ZDHHC14: variants seen among roughly 807,000 people sequenced by gnomAD.
The protein encoded by ZDHHC14 is zDHHC palmitoyltransferase 14, also known as palmitoyltransferase ZDHHC14.
Under a neutral mutation model 47.7 loss-of-function variants are expected in ZDHHC14, and 16 were observed. That is an observed-to-expected ratio of 0.34 (90% CI 0.23 to 0.51). ZDHHC14 has a LOEUF of 0.51. ZDHHC14 is among the 20% of genes least tolerant of loss of function. The pLI is 0.97. For synonymous variants in ZDHHC14, 293 were observed against 278.9 expected, an observed-to-expected ratio of 1.05 and a Z score of -0.50; for missense variants, 515 against 662.5, an observed-to-expected ratio of 0.78 and a Z score of 2.44.
At chr6:157,452,467 GTGGTTA>G (rs972747968) in intron 1 of ZDHHC14, among the ~76,000 whole-genome samples, 7 of 152,098 alleles carry the variant, frequency 4.6e-5, no homozygotes, top group Non-Finnish European at 1.0e-4. Context: ...ATGTTCTGGT[GTGGTTA>G]TTGCCTAACA....
chr6:157,477,928 C>G (rs965493281), intron 1 of ZDHHC14, among the ~76,000 whole-genome samples: 2 of 152,080 alleles, frequency 1.3e-5, no homozygotes, highest in African/African-American at 4.8e-5. Flanking sequence ...CGTTAACTTT[C>G]TTTTGACATA....
At chr6:157,423,486 A>T (rs1034456575) in intron 1 of ZDHHC14, among the ~76,000 whole-genome samples, 7 of 152,130 alleles carry the variant, frequency 4.6e-5, no homozygotes, top group Admixed American at 2.6e-4. Context: ...TATATTTTTA[A>T]AATTTCATAA....
intron 1 of ZDHHC14, among the ~76,000 whole-genome samples, chr6:157,383,286 C>A (rs148891172): frequency 2.3e-4 from 35 of 152,194 alleles, no homozygotes; most frequent in African/African-American, 7.7e-4. Flanking sequence ...ACTTTTTTCC[C>A]CTCAGAATTT....
chr6:157,503,799 A>T (rs942404881), intron 1 of ZDHHC14, among the ~76,000 whole-genome samples: 2 of 152,164 alleles, frequency 1.3e-5, no homozygotes, highest in African/African-American at 4.8e-5. Flanking sequence ...AGTTGGCAAA[A>T]ATTAAGAAGT....
chr6:157,609,341 C>T (rs1021190336), intron 3 of ZDHHC14, among the ~76,000 whole-genome samples: 4 of 152,250 alleles, frequency 2.6e-5, no homozygotes, highest in Admixed American at 2.0e-4. Context: ...TAGAAGGAGC[C>T]GAGGGCAGCT....
chr6:157,485,935 C>G (rs1462095571), intron 1 of ZDHHC14, among the ~76,000 whole-genome samples: 1 of 152,202 alleles, frequency 6.6e-6, no homozygotes, highest in Non-Finnish European at 1.5e-5. Context: ...ATTGCTTGAA[C>G]CCAGGAAGTG....
intron 1 of ZDHHC14, among the ~76,000 whole-genome samples, chr6:157,527,043 A>C (rs1582889485): frequency 6.6e-6 from 1 of 152,140 alleles, no homozygotes; most frequent in African/African-American, 2.4e-5. Flanking sequence ...TAAGAGTAGT[A>C]GTTTATAATA....
At position 157,463,633 on chromosome 6, in the gene ZDHHC14, T is replaced by A. The variant is rs1274645048; in HGVS notation, c.246-78952T>A. Among the ~76,000 whole-genome samples, 1 of 152,240 alleles carries A rather than the reference T, an allele frequency of 6.6e-6. No homozygotes were observed. The highest frequency in any genetic ancestry group is 2.4e-5 in the African/African-American group (1 of 41,458). On this transcript the variant is annotated intron_variant, in intron 1 of 8. Coordinates refer to ENST00000359775, the MANE Select transcript of ZDHHC14 (RefSeq NM_024630.3). This position sits in a 1 kb window ranked among gnomAD's most constrained non-coding sequence, Gnocchi z 4.4. ...GCCAGGTTAAGATGGCTATTGTGGATAATATACTCTTAGATATAAAATAAT... is the reference window on the plus strand; with the variant it reads ...GCCAGGTTAAGATGGCTATTGTGGAAAATATACTCTTAGATATAAAATAAT...
intron 1 of ZDHHC14, among the ~76,000 whole-genome samples, chr6:157,509,005 C>G (rs1238076867): frequency 6.6e-6 from 1 of 152,200 alleles, no homozygotes; most frequent in Non-Finnish European, 1.5e-5. Flanking sequence ...CCCGTTTCTT[C>G]CCGGCTGTTG....
At chr6:157,486,791 C>A (rs781180090) in intron 1 of ZDHHC14, among the ~76,000 whole-genome samples, 8 of 152,084 alleles carry the variant, frequency 5.3e-5, no homozygotes, top group Non-Finnish European at 1.2e-4. Context: ...GCAGGCGTGG[C>A]AAGGATGGGT....
intron 1 of ZDHHC14, among the ~76,000 whole-genome samples, chr6:157,532,356 G>A (rs546723817): frequency 8.5e-5 from 13 of 152,356 alleles, no homozygotes; most frequent in African/African-American, 1.9e-4. Flanking sequence ...GCTATCCAGC[G>A]TTTGGGTTCA....
intron 2 of ZDHHC14, among the ~76,000 whole-genome samples, chr6:157,581,807 G>C (rs1336629683): frequency 6.6e-6 from 1 of 151,874 alleles, no homozygotes; most frequent in African/African-American, 2.4e-5. Flanking sequence ...TGAGCCTATG[G>C]GTGTCACTGC....
At chr6:157,512,556 G>A (rs998881511) in intron 1 of ZDHHC14, among the ~76,000 whole-genome samples, 19 of 152,154 alleles carry the variant, frequency 1.2e-4, no homozygotes, top group Non-Finnish European at 2.2e-4. Context: ...TTTAGAAATG[G>A]GCGAGGCCAG....
At chr6:157,501,518 A>T (rs1780192526) in intron 1 of ZDHHC14, among the ~76,000 whole-genome samples, 1 of 152,236 alleles carries the variant, frequency 6.6e-6, no homozygotes, top group Non-Finnish European at 1.5e-5. Flanking sequence ...ATAACACTGA[A>T]ATTTAAGCCT....
chr6:157,489,092 A>C (rs1428241789), intron 1 of ZDHHC14, among the ~76,000 whole-genome samples: 1 of 152,222 alleles, frequency 6.6e-6, no homozygotes, highest in Non-Finnish European at 1.5e-5. Context: ...GTCTGGAATA[A>C]AGATGTTTGC....
intron 1 of ZDHHC14, among the ~76,000 whole-genome samples, chr6:157,438,762 C>G (rs1562425018): frequency 6.6e-6 from 1 of 152,298 alleles, no homozygotes; most frequent in South Asian, 2.1e-4. Flanking sequence ...TTAAAAGCAG[C>G]CAAAATATTC....
chr6:157,484,441 CAT>C (rs536881364), intron 1 of ZDHHC14, among the ~76,000 whole-genome samples: 27 of 143,256 alleles, frequency 1.9e-4, no homozygotes, highest in South Asian at 6.5e-4. Context: ...CGTATATATA[CAT>C]ATATATGTAT....
At chr6:157,559,091 T>A (rs146408014) in intron 2 of ZDHHC14, among the ~76,000 whole-genome samples, 3,185 of 152,328 alleles carry the variant, frequency 0.021, 113 homozygotes, top group African/African-American at 0.072. Context: ...TCTTCCATGA[T>A]GATAAATGGT....
intron 1 of ZDHHC14, among the ~76,000 whole-genome samples, chr6:157,509,769 A>C (rs1051099466): frequency 3.9e-5 from 6 of 152,240 alleles, no homozygotes; most frequent in Non-Finnish European, 5.9e-5. Flanking sequence ...TTGGTTCATA[A>C]TCTTTAAAAA....
Sources: gnomAD v4.1 joint callset for allele counts (sites outside exome capture counted in the v4.1 genomes callset) on GRCh38, gnomAD v4.1.1 for gene constraint, Gnocchi (gnomAD v3.1) non-coding constraint, MANE v1.5 for transcripts, NCBI Gene and HGNC (gene_info 2026-07-23, HGNC 2026-07-21) for gene names.